The following LMBR1 variants were observed in gnomAD, a reference collection of about 807,000 sequenced individuals.
LMBR1 encodes the protein limb region 1 protein homolog.
A neutral mutation model predicts 73.9 loss-of-function variants in LMBR1; 52 were observed. The ratio of observed to expected loss-of-function variants is 0.70; its 90% CI spans 0.56 to 0.89. LMBR1 has a LOEUF of 0.89. Ranked by LOEUF, LMBR1 falls within the 40% of genes least tolerant of loss-of-function variation. The pLI is 0.00. For synonymous variants in LMBR1, 215 were observed against 209.4 expected (o/e 1.03, Z -0.23); for missense variants, 539 against 579.8 (o/e 0.93, Z 0.72).
At chr7:156,793,509 G>C (rs553726768) in intron 5 of LMBR1, among the ~76,000 whole-genome samples, 1 of 152,286 alleles carries the variant, frequency 6.6e-6, no homozygotes, top group South Asian at 2.1e-4. Flanking sequence ...TGCTCAAGCT[G>C]AGTTATTCTA....
chr7:156,732,682 T>C (rs547400795), intron 10 of LMBR1, among the ~76,000 whole-genome samples: 21 of 152,282 alleles, frequency 1.4e-4, no homozygotes, highest in South Asian at 1.0e-3. Context: ...TCACAGGACA[T>C]TGGATAGAAT....
At chr7:156,876,032 G>A (rs1248995775) in intron 1 of LMBR1, among the ~76,000 whole-genome samples, 3 of 152,132 alleles carry the variant, frequency 2.0e-5, no homozygotes, top group East Asian at 3.9e-4. Flanking sequence ...ACAGAATTGC[G>A]GAATGGATAA....
intron 5 of LMBR1, among the ~76,000 whole-genome samples, chr7:156,795,745 G>A (rs1226749885): frequency 6.6e-6 from 1 of 152,054 alleles, no homozygotes; most frequent in African/African-American, 2.4e-5. Context: ...TACAGACAGG[G>A]TCTCACTGTG....
intron 15 of LMBR1, among the ~76,000 whole-genome samples, chr7:156,713,043 A>T (rs916325150): frequency 2.0e-5 from 3 of 152,198 alleles, no homozygotes; most frequent in South Asian, 2.1e-4. Flanking sequence ...TATCCAGACA[A>T]TGGAATCTTA....
intron 5 of LMBR1, among the ~76,000 whole-genome samples, chr7:156,767,932 TACAG>T (rs1824415904): frequency 6.6e-6 from 1 of 152,150 alleles, no homozygotes; most frequent in Non-Finnish European, 1.5e-5. Context: ...CTGGTTTAAA[TACAG>T]AAGAATGCAA....
At chr7:156,814,238 C>T (rs949242848) in intron 4 of LMBR1, among the ~76,000 whole-genome samples, 3 of 152,160 alleles carry the variant, frequency 2.0e-5, no homozygotes, top group African/African-American at 4.8e-5. Context: ...TCATACTTAA[C>T]ATTCTGGGTG....
rs1488897754 is a variant in LMBR1, at chr7:156,684,170, A to G, written c.1388-7T>C. The G allele has an allele frequency of 1.3e-5, 21 of 1,606,906 alleles. No homozygotes were observed. The highest frequency in any genetic ancestry group is 1.8e-5 in the Non-Finnish European group (21 of 1,173,456). On this transcript the variant is annotated splice_region_variant and splice_polypyrimidine_tract_variant and intron_variant, in intron 16 of 16. Coordinates refer to ENST00000353442, the MANE Select transcript of LMBR1 (RefSeq NM_022458.4). Reference sequence around the variant, plus strand: ...AAGTGAAGTTTATGAAGCCCTGCAAAAAAATTAAGAAAATGGTGAGAAATG... The same window carrying G: ...AAGTGAAGTTTATGAAGCCCTGCAAGAAAATTAAGAAAATGGTGAGAAATG...
At chr7:156,822,481 A>G (rs2133771665) in intron 4 of LMBR1, 1 of 152,350 alleles carries the variant, frequency 6.6e-6, no homozygotes, top group Middle Eastern at 3.4e-3. Context: ...AAACGCTAAT[A>G]TAATATTTAG....
chr7:156,702,756 A>G (rs1323282073), intron 15 of LMBR1, among the ~76,000 whole-genome samples: 2 of 152,202 alleles, frequency 1.3e-5, no homozygotes, highest in African/African-American at 2.4e-5. Context: ...ATGTTTTTTG[A>G]TATCTACCCC....
At chr7:156,840,981 A>AAG (rs1049588824) in intron 1 of LMBR1, among the ~76,000 whole-genome samples, 21 of 150,648 alleles carry the variant, frequency 1.4e-4, no homozygotes. Flanking sequence ...AAAAAAAAAA[A>AAG]AAAGAAAAAG....
chr7:156,675,710 C>G (rs758056353), downstream of LMBR1: 40 of 1,612,682 alleles, frequency 2.5e-5, no homozygotes, highest in Non-Finnish European at 3.4e-5. Flanking sequence ...CAGAAATCAG[C>G]CACCGCATCC....
chr7:156,840,979 A>AAAAAAG (rs1554547387), intron 1 of LMBR1, among the ~76,000 whole-genome samples: 11 of 148,544 alleles, frequency 7.4e-5, no homozygotes, highest in African/African-American at 1.0e-4. Flanking sequence ...AAAAAAAAAA[A>AAAAAAG]AAAAAGAAAA....
chr7:156,739,215 C>T (rs1818446994), intron 9 of LMBR1, among the ~76,000 whole-genome samples: 2 of 152,086 alleles, frequency 1.3e-5, no homozygotes, highest in Non-Finnish European at 2.9e-5. Flanking sequence ...CTGGCAGTGG[C>T]AGGAGCAGGG....
intron 1 of LMBR1, among the ~76,000 whole-genome samples, chr7:156,870,176 A>G (rs1047943509): frequency 6.6e-6 from 1 of 152,210 alleles, no homozygotes; most frequent in Admixed American, 6.5e-5. Context: ...GATCAATAAG[A>G]AAACAGAAGA....
At chr7:156,676,453 G>T (rs1330264328), downstream of LMBR1, 1 of 1,613,940 alleles carries the variant, frequency 6.2e-7, no homozygotes, top group African/African-American at 1.3e-5. Context: ...TGCTCCATCT[G>T]CCTGGCCCCT....
intron 16 of LMBR1, 137 bp downstream of exon 16, chr7:156,687,893 C>A: frequency 2.7e-6 from 2 of 743,122 alleles, no homozygotes; most frequent in Middle Eastern, 5.5e-4. Flanking sequence ...GAATTTTGCA[C>A]AAAGTAGGGG....
At position 156,826,531 on chromosome 7, in the gene LMBR1, AG is replaced by A. The variant is rs1287730498; in HGVS notation, c.319+73del. 3.5e-5 allele frequency: 37 copies of A among 1,052,222 alleles called. No individual in the cohort carries two copies. In the East Asian group the frequency reaches 8.9e-4, roughly 25 times the overall value. 65.2% of individuals were successfully genotyped at this position (1,052,222 alleles called of 1,614,324 possible). A position where few individuals can be genotyped will look rare whatever the true frequency, so the allele number is the denominator to read the frequency against. On this transcript the variant is annotated intron_variant, in intron 4 of 16. Coordinates refer to ENST00000353442, the MANE Select transcript of LMBR1 (RefSeq NM_022458.4). ...ACAAATTATGAAGAAAACTGAGAAA[AG>A]AAAAATCTAAAAATATGGTGCAGTA...
chr7:156,876,028 T>C (rs1213028876), intron 1 of LMBR1, among the ~76,000 whole-genome samples: 1 of 152,048 alleles, frequency 6.6e-6, no homozygotes, highest in African/African-American at 2.4e-5. Flanking sequence ...AGATACAGAA[T>C]TGCGGAATGG....
At chr7:156,711,154 C>CA (rs1812003505) in intron 15 of LMBR1, among the ~76,000 whole-genome samples, 1 of 151,972 alleles carries the variant, frequency 6.6e-6, no homozygotes, top group Non-Finnish European at 1.5e-5. Flanking sequence ...ACTAAAAATA[C>CA]AAAAAATTAG....
Sources: gnomAD v4.1 joint callset for allele counts (sites outside exome capture counted in the v4.1 genomes callset) on GRCh38, gnomAD v4.1.1 for gene constraint, MANE v1.5 for transcripts, NCBI Gene and HGNC (gene_info 2026-07-23, HGNC 2026-07-21) for gene names.